The following CES4A variants were observed in gnomAD, a reference collection of about 807,000 sequenced individuals.
CES4A encodes carboxylesterase 4A.
A neutral mutation model predicts 65.4 loss-of-function variants in CES4A; 48 were observed. The ratio of observed to expected loss-of-function variants is 0.73; its 90% CI spans 0.58 to 0.93. The LOEUF (loss-of-function observed/expected upper bound fraction) is 0.93, where lower values mean the gene tolerates loss of function less well. CES4A is among the 40% of genes least tolerant of loss of function. CES4A has a pLI of 0.00. For synonymous variants in CES4A, 247 were observed against 281.8 expected, an observed-to-expected ratio of 0.88 and a Z score of 1.24; for missense variants, 685 against 728.5, an observed-to-expected ratio of 0.94 and a Z score of 0.69.
Position 67,000,523 on chromosome 16 carries a change from G to A in CES4A, c.261-115G>A. ...CACGCACACGCACGCACATGCGCAC[G>A]CACACGCACGCGCACAGACGCTGCC... is the stretch of plus-strand genomic sequence containing the variant. On this transcript the variant is annotated intron_variant, in intron 2 of 13. Coordinates refer to ENST00000648724, the Ensembl canonical transcript of CES4A. This position sits in a 1 kb window ranked among gnomAD's most constrained non-coding sequence, Gnocchi z 4.2. The A allele has an allele frequency of 6.9e-7, 1 of 1,455,766 alleles. No homozygotes were observed. The highest frequency in any genetic ancestry group is 9.1e-7 in the Non-Finnish European group (1 of 1,101,670). The allele number at this position is 1,455,766 out of a possible 1,614,324, so 90.2% of individuals were successfully genotyped here.
In CES4A at chr16:67,001,573, G is replaced by C. The variant is rs1360241191; in HGVS notation, c.690+112G>C. 2.3e-6 allele frequency: 3 copies of C among 1,301,492 alleles called. No individual in the cohort carries two copies. Among genetic ancestry groups the C allele is most frequent in the Non-Finnish European group, 3.1e-6 (3 of 956,814 alleles). The allele number at this position is 1,301,492 out of a possible 1,614,324, so 80.6% of individuals were successfully genotyped here. On this transcript the variant is annotated intron_variant, in intron 5 of 13. Coordinates refer to ENST00000648724, the Ensembl canonical transcript of CES4A. The surrounding 1 kb of genome is among the most constrained non-coding windows in gnomAD (Gnocchi z 4.1). ...GATTTGCGTGTACAGGAACGTGCCT[G>C]CCACAGAAATGCTCTCGCCCCTGCC...
intron 1 of CES4A, among the ~76,000 whole-genome samples, chr16:66,992,146 C>T (rs1964439531): frequency 6.6e-6 from 1 of 152,228 alleles, no homozygotes; most frequent in Non-Finnish European, 1.5e-5. Context: ...AGGCTGGTCA[C>T]GGCCCCCCTC....
At chr16:67,006,453 C>A in exon 12 of CES4A, 5 of 1,536,630 alleles carry the variant, frequency 3.3e-6, no homozygotes, top group Non-Finnish European at 4.4e-6. Flanking sequence ...AATCGTCAAA[C>A]CCCGCACTGA....
At chr16:66,994,796 G>A (rs372839945) in intron 1 of CES4A, among the ~76,000 whole-genome samples, 5 of 148,630 alleles carry the variant, frequency 3.4e-5, no homozygotes, top group African/African-American at 1.0e-4. Context: ...CCGAGATCAC[G>A]CCATTGTACT....
chr16:66,993,536 G>T (rs796828974), intron 1 of CES4A, among the ~76,000 whole-genome samples: 23 of 151,926 alleles, frequency 1.5e-4, no homozygotes, highest in African/African-American at 5.1e-4. Flanking sequence ...AGAGACAGGG[G>T]TTTCACCATG....
rs773189290 is a variant in CES4A, at chr16:67,003,028, T to A, written c.691-42T>A. 1.3e-6 allele frequency: 2 copies of A among 1,526,552 alleles called. No individual in the cohort carries two copies. Among genetic ancestry groups the A allele is most frequent in the East Asian group, 4.5e-5 (2 of 44,466 alleles). The allele number at this position is 1,526,552 out of a possible 1,614,324, so 94.6% of individuals were successfully genotyped here. A position where few individuals can be genotyped will look rare whatever the true frequency, so the allele number is the denominator to read the frequency against. The stretch of plus-strand genomic sequence containing the variant: ...ATGCCCAGAACAGCCCAGGTGTCTC[T>A]ACTTGGGCATCTCACGGGTGTATTC... On this transcript the variant is annotated intron_variant, in intron 5 of 13. Coordinates refer to ENST00000648724, the Ensembl canonical transcript of CES4A. This position sits in a 1 kb window ranked among gnomAD's most constrained non-coding sequence, Gnocchi z 4.2.
At chr16:66,993,117 A>G (rs866883207) in intron 1 of CES4A, among the ~76,000 whole-genome samples, 3 of 152,304 alleles carry the variant, frequency 2.0e-5, no homozygotes, top group Middle Eastern at 6.8e-3. Context: ...GAGGAAGAAA[A>G]GAGTATCCAC....
chr16:66,988,751 C>T, exon 1 of CES4A: 1 of 1,557,622 alleles, frequency 6.4e-7, no homozygotes, highest in Non-Finnish European at 8.7e-7. Flanking sequence ...CACTCCTGCC[C>T]ACAGCAGGAG....
rs947436736 is a variant in CES4A, at chr16:67,000,455, G to A, written c.261-183G>A. On this transcript the variant is annotated intron_variant, in intron 2 of 13. Coordinates refer to ENST00000648724, the Ensembl canonical transcript of CES4A. The surrounding 1 kb of genome is among the most constrained non-coding windows in gnomAD (Gnocchi z 4.2). ...GGGATGGTTCCTGAGAGGCCAACCTGCCTCCCAGTCCTGGGCCCCGGGGCT... is the reference window on the plus strand; with the variant it reads ...GGGATGGTTCCTGAGAGGCCAACCTACCTCCCAGTCCTGGGCCCCGGGGCT... 1.4e-6 allele frequency: 2 copies of A among 1,412,164 alleles called. No individual in the cohort carries two copies. The highest frequency in any genetic ancestry group is 1.6e-5 in the South Asian group (1 of 64,206). The allele number at this position is 1,412,164 out of a possible 1,614,324, so 87.5% of individuals were successfully genotyped here. A position where few individuals can be genotyped will look rare whatever the true frequency, so the allele number is the denominator to read the frequency against.
chr16:66,995,360 G>C (rs1017070829), intron 1 of CES4A, among the ~76,000 whole-genome samples: 4 of 151,794 alleles, frequency 2.6e-5, no homozygotes, highest in Admixed American at 2.6e-4. Context: ...TAAACGAAAC[G>C]TTAAAGGAGA....
Position 67,003,303 on chromosome 16 carries a change from G to C in CES4A, c.843G>C (p.Leu281=), listed in dbSNP as rs772285928. Reference sequence around the variant, plus strand: ...GCAACCACAACAGCACACAGATCCTGGTAAACTGCCTGAGGGCACTATCAG... The same window carrying C: ...GCAACCACAACAGCACACAGATCCTCGTAAACTGCCTGAGGGCACTATCAG... The change falls in exon 7 of 14, where the codon CTG becomes CTC. Residue 281 remains leucine (L), a synonymous_variant. Coordinates refer to ENST00000648724, the Ensembl canonical transcript of CES4A. The surrounding 1 kb of genome is among the most constrained non-coding windows in gnomAD (Gnocchi z 4.2). 1.2e-6 allele frequency: 2 copies of C among 1,614,166 alleles called. No homozygotes were observed. The highest frequency in any genetic ancestry group is 1.7e-6 in the Non-Finnish European group (2 of 1,180,028).
At position 67,000,446 on chromosome 16, in the gene CES4A, G is replaced by A. The variant is rs1257545899; in HGVS notation, c.261-192G>A. ...GGCAGGGAGGGGATGGTTCCTGAGA[G>A]GCCAACCTGCCTCCCAGTCCTGGGC... On this transcript the variant is annotated intron_variant, in intron 2 of 13. Coordinates refer to ENST00000648724, the Ensembl canonical transcript of CES4A. The surrounding 1 kb of genome is among the most constrained non-coding windows in gnomAD (Gnocchi z 4.2). 1.4e-6 allele frequency: 2 copies of A among 1,410,636 alleles called. No homozygotes were observed. The highest frequency in any genetic ancestry group is 1.5e-5 in the African/African-American group (1 of 68,518). 87.4% of individuals were successfully genotyped at this position (1,410,636 alleles called of 1,614,324 possible). A position where few individuals can be genotyped will look rare whatever the true frequency, so the allele number is the denominator to read the frequency against.
rs369524304 is a variant in CES4A at position 66,993,557 on chromosome 16, T to C, written c.59-2071T>C. On this transcript the variant is annotated intron_variant, in intron 1 of 13. Coordinates refer to ENST00000648724, the Ensembl canonical transcript of CES4A. Reference sequence around the variant, plus strand: ...AGGGGTTTCACCATGTTGGCCAGGCTGGTCTCGAACTCCTGACCTCAAGTG... The same window carrying C: ...AGGGGTTTCACCATGTTGGCCAGGCCGGTCTCGAACTCCTGACCTCAAGTG... Among the ~76,000 whole-genome samples, 22 of 152,092 alleles carry C rather than the reference T, an allele frequency of 1.4e-4. No homozygotes were observed. In the South Asian group the frequency reaches 3.5e-3, roughly 24 times the overall value.
downstream of CES4A, chr16:67,009,840 C>T (rs1244243593): frequency 2.0e-5 from 3 of 152,254 alleles, no homozygotes; most frequent in East Asian, 1.9e-4. Context: ...TGGGCTGTGC[C>T]TGGATGCTAC....
Position 67,000,609 on chromosome 16 carries a change from C to A in CES4A, c.261-29C>A, listed in dbSNP as rs1214310449. 2.6e-6 allele frequency: 4 copies of A among 1,530,250 alleles called. No individual in the cohort carries two copies. Among genetic ancestry groups the A allele is most frequent in the South Asian group, 2.4e-5 (2 of 82,826 alleles). The allele number at this position is 1,530,250 out of a possible 1,614,324, so 94.8% of individuals were successfully genotyped here. A position where few individuals can be genotyped will look rare whatever the true frequency, so the allele number is the denominator to read the frequency against. On this transcript the variant is annotated intron_variant, in intron 2 of 13. Transcript: ENST00000648724. The surrounding 1 kb of genome is among the most constrained non-coding windows in gnomAD (Gnocchi z 4.2). ...ACCCTGGATTGAAACGATCTCCCCGCGGCCGCCGCCGCTACCTGGTGCCCG... is the reference window on the plus strand; with the variant it reads ...ACCCTGGATTGAAACGATCTCCCCGAGGCCGCCGCCGCTACCTGGTGCCCG...
chr16:66,989,739 C>T (rs1329649227), intron 1 of CES4A, among the ~76,000 whole-genome samples: 2 of 151,922 alleles, frequency 1.3e-5, no homozygotes, highest in Non-Finnish European at 2.9e-5. Context: ...CCTGTAATCC[C>T]AGCTACTCAG....
intron 11 of CES4A, chr16:67,005,649 C>G (rs941666760): frequency 2.0e-5 from 8 of 402,244 alleles, no homozygotes; most frequent in African/African-American, 8.4e-5. Flanking sequence ...GAGTTCTAGA[C>G]CAGCCTCACC....
At chr16:66,991,656 C>CT (rs1195793563) in intron 1 of CES4A, among the ~76,000 whole-genome samples, 4 of 152,140 alleles carry the variant, frequency 2.6e-5, no homozygotes, top group Admixed American at 1.3e-4. Context: ...CCCTTGGAGG[C>CT]TAGGGAGCCG....
At chr16:67,004,404 G>A (rs554365033) in intron 9 of CES4A, among the ~76,000 whole-genome samples, 180 bp downstream of exon 9, 71 of 152,326 alleles carry the variant, frequency 4.7e-4, no homozygotes, top group Non-Finnish European at 8.4e-4. Context: ...GGCCATGAAT[G>A]ATGGAGGGGA....
Sources: gnomAD v4.1 joint callset for allele counts (sites outside exome capture counted in the v4.1 genomes callset) on GRCh38, gnomAD v4.1.1 for gene constraint, Gnocchi (gnomAD v3.1) non-coding constraint, MANE v1.5 for transcripts, NCBI Gene and HGNC (gene_info 2026-07-23, HGNC 2026-07-21) for gene names.